The following USH2A variants were observed in gnomAD, a reference collection of about 807,000 sequenced individuals.
USH2A encodes the protein Usher syndrome 2A (autosomal recessive, mild).
Under a neutral mutation model 538.9 loss-of-function variants are expected in USH2A, and 443 were observed. The observed-to-expected ratio is 0.82, with a 90% CI of 0.76 to 0.89. USH2A has a LOEUF of 0.89. USH2A is among the 40% of genes least tolerant of loss of function. The probability of loss-of-function intolerance (pLI) is 0.00; values close to 1 mark genes in which losing one functional copy is unlikely to be tolerated. For synonymous variants in USH2A, 2,413 were observed against 2,273.5 expected (o/e 1.06, Z -1.75); for missense variants, 6,633 against 6,324.8 (o/e 1.05, Z -1.65).
Position 215,934,765 on chromosome 1 carries a change from G to C in USH2A, c.7151C>G (p.Thr2384Arg), listed in dbSNP as rs765692429. The C allele has an allele frequency of 1.3e-5, 21 of 1,612,346 alleles. No individual in the cohort carries two copies. In the South Asian group the frequency reaches 2.2e-4, roughly 17 times the overall value. The change falls in exon 38 of 72, where the codon ACA becomes AGA. Residue 2384 changes from threonine to arginine, a missense_variant. Thr to Arg is a moderately conservative substitution (Grantham distance 71). Transcript: ENST00000307340. ...VGNNYTLLNVTKVMYSGEETN... is the reference protein window; with the variant it reads ...VGNNYTLLNVRKVMYSGEETN... ...CTCTTCTCCGCTGTACATGACTTTT[G>C]TGACATTCAGAAGGGTGTAGTTATT...
intron 64 of USH2A, among the ~76,000 whole-genome samples, chr1:215,666,756 A>T (rs1657615986): frequency 6.6e-6 from 1 of 152,116 alleles, no homozygotes; most frequent in South Asian, 2.1e-4. Context: ...AGTATTTCCA[A>T]AAAAAAGTGG....
rs529272610 is a variant in USH2A, at chr1:216,355,258, G to A, written c.784+9695C>T. On this transcript the variant is annotated intron_variant, in intron 4 of 71. Transcript: ENST00000307340. ...GCAGATGTTGCAGTGAGCCAAGATC[G>A]CACCACTGCACTCCAGCCTGGGTTG... Among the ~76,000 whole-genome samples the A allele has an allele frequency of 8.8e-4, 133 of 150,580 alleles. 2 individuals are homozygous for A. The highest frequency in any genetic ancestry group is 2.0e-4 in the East Asian group (1 of 5,066).
At chr1:215,648,839 C>A in intron 65 of USH2A, 73 bp from the exon 66 acceptor site, 1 of 1,413,686 alleles carries the variant, frequency 7.1e-7, no homozygotes, top group Non-Finnish European at 1.0e-6. Flanking sequence ...TATCCAAGAT[C>A]CCACCTCCTA....
intron 47 of USH2A, among the ~76,000 whole-genome samples, chr1:215,828,725 G>T (rs1013159569): frequency 2.0e-5 from 3 of 152,154 alleles, no homozygotes; most frequent in Non-Finnish European, 2.9e-5. Flanking sequence ...GACATTAAAA[G>T]ACATGATCTG....
At chr1:215,836,473 TA>T (rs1273004672) in intron 47 of USH2A, among the ~76,000 whole-genome samples, 1 of 5,040 alleles carries the variant, frequency 2.0e-4, no homozygotes, top group African/African-American at 3.9e-4. Context: ...ATTATATATA[TA>T]TATATAATAT....
At chr1:216,026,700 GT>G in intron 32 of USH2A, among the ~76,000 whole-genome samples, 1 of 152,100 alleles carries the variant, frequency 6.6e-6, no homozygotes, top group Non-Finnish European at 1.5e-5. Context: ...GAAAGATAAA[GT>G]TCCTGCCCTC....
At chr1:216,402,129 A>G (rs1243810065) in intron 3 of USH2A, among the ~76,000 whole-genome samples, 2 of 152,164 alleles carry the variant, frequency 1.3e-5, no homozygotes, top group Non-Finnish European at 2.9e-5. Flanking sequence ...TACTTGTGAA[A>G]CTTTCACCAA....
intron 21 of USH2A, among the ~76,000 whole-genome samples, chr1:216,155,026 C>T (rs917152458): frequency 1.3e-5 from 2 of 151,966 alleles, no homozygotes; most frequent in Non-Finnish European, 2.9e-5. Context: ...CTAGGTACTT[C>T]TCCAGAGATT....
intron 8 of USH2A, among the ~76,000 whole-genome samples, chr1:216,323,271 ACG>A (rs2037652364): frequency 9.4e-6 from 1 of 105,984 alleles, no homozygotes; most frequent in Non-Finnish European, 1.8e-5. Context: ...TTTATAAAAT[ACG>A]TTTTATATAT....
chr1:215,737,195 C>G (rs1660178757), intron 60 of USH2A, among the ~76,000 whole-genome samples: 1 of 151,436 alleles, frequency 6.6e-6, no homozygotes, highest in African/African-American at 2.4e-5. Flanking sequence ...AATTGCAGAA[C>G]AATATGGGCA....
chr1:215,812,819 TA>T (rs1383777674), intron 49 of USH2A, among the ~76,000 whole-genome samples: 1 of 152,190 alleles, frequency 6.6e-6, no homozygotes, highest in Non-Finnish European at 1.5e-5. Context: ...ATAGTCCTTT[TA>T]AAAAAATTGT....
intron 37 of USH2A, among the ~76,000 whole-genome samples, chr1:215,938,157 C>T (rs1419310413): frequency 6.6e-6 from 1 of 151,994 alleles, no homozygotes; most frequent in Admixed American, 6.6e-5. Flanking sequence ...CCATTTTGCT[C>T]AGCTCAAAAA....
rs578188835 is a variant in USH2A, at chr1:215,987,936, A to G, written c.6805+5084T>C. Among the ~76,000 whole-genome samples, 4 of 36,804 alleles carry G rather than the reference A, an allele frequency of 1.1e-4. No individual in the cohort carries two copies. The East Asian group carries it at 5.5e-3, about 50-fold the overall frequency. 24.1% of individuals were successfully genotyped at this position (36,804 alleles called of 152,430 possible). A position where few individuals can be genotyped will look rare whatever the true frequency, so the allele number is the denominator to read the frequency against. ...ATAGATCTCTATGTGATTATTAATC[A>G]GCAATTTTTTTTTGTTTTAAACTAA... On this transcript the variant is annotated intron_variant, in intron 35 of 71. Coordinates refer to ENST00000307340, the MANE Select transcript of USH2A (RefSeq NM_206933.4).
chr1:215,895,951 C>T (rs1336572837), intron 40 of USH2A, among the ~76,000 whole-genome samples: 1 of 152,150 alleles, frequency 6.6e-6, no homozygotes, highest in Non-Finnish European at 1.5e-5. Flanking sequence ...GCATTTGTCA[C>T]ACAATGATAA....
At chr1:216,006,077 T>G (rs1668384103) in intron 32 of USH2A, among the ~76,000 whole-genome samples, 1 of 152,138 alleles carries the variant, frequency 6.6e-6, no homozygotes, top group South Asian at 2.1e-4. Context: ...ATAATCCCTT[T>G]TTGGCAACTC....
intron 22 of USH2A, among the ~76,000 whole-genome samples, chr1:216,091,763 A>C (rs2032306931): frequency 6.6e-6 from 1 of 152,228 alleles, no homozygotes; most frequent in Non-Finnish European, 1.5e-5. Flanking sequence ...TATGTGCTAG[A>C]TAACTACTTT....
At chr1:216,314,974 C>T (rs555845198) in intron 9 of USH2A, among the ~76,000 whole-genome samples, 1 of 151,948 alleles carries the variant, frequency 6.6e-6, no homozygotes, top group African/African-American at 2.4e-5. Flanking sequence ...GCCAGAGCCC[C>T]GAAAGGTAAA....
At chr1:215,911,916 G>A (rs1334164524) in intron 38 of USH2A, among the ~76,000 whole-genome samples, 1 of 152,032 alleles carries the variant, frequency 6.6e-6, no homozygotes, top group Non-Finnish European at 1.5e-5. Context: ...TAACTGGGGT[G>A]AGATGAAATC....
At chr1:215,935,839 C>G (rs1666478499) in intron 37 of USH2A, among the ~76,000 whole-genome samples, 1 of 151,752 alleles carries the variant, frequency 6.6e-6, no homozygotes, top group South Asian at 2.1e-4. Flanking sequence ...GAGTACCACC[C>G]AGGCTAGGCA....
Sources: allele counts gnomAD v4.1 joint callset (sites outside exome capture counted in the v4.1 genomes callset), GRCh38; gene constraint gnomAD v4.1.1; transcripts MANE v1.5; gene names NCBI Gene and HGNC (gene_info 2026-07-23, HGNC 2026-07-21).